Variants in CSMD1 observed in about 807,000 individuals in gnomAD.
The protein encoded by CSMD1 is CUB and Sushi multiple domains 1, also known as CUB and sushi domain-containing protein 1.
CSMD1 carries 213 observed loss-of-function variants against 417.5 expected under a neutral mutation model. The observed-to-expected ratio is 0.51, with a 90% CI of 0.46 to 0.57. The LOEUF (loss-of-function observed/expected upper bound fraction) is 0.57, where lower values mean the gene tolerates loss of function less well. Ranked by LOEUF, CSMD1 falls within the 20% of genes least tolerant of loss-of-function variation. The probability of loss-of-function intolerance (pLI) is 0.00; values close to 1 mark genes in which losing one functional copy is unlikely to be tolerated. For synonymous variants in CSMD1, 2,862 were observed against 1,736.8 expected, an observed-to-expected ratio of 1.65 and a Z score of -16.11; for missense variants, 6,923 against 4,529.7, an observed-to-expected ratio of 1.53 and a Z score of -15.17.
Position 3,314,450 on chromosome 8 carries a change from T to C in CSMD1, c.3632-5947A>G, listed in dbSNP as rs543906307. Among the ~76,000 whole-genome samples, 15 of 152,288 alleles carry C rather than the reference T, an allele frequency of 9.8e-5. No homozygotes were observed. The East Asian group carries it at 1.7e-3, about 18-fold the overall frequency. ...TCTTGAAGCCACTAGTCTGCAATTATTCAGGGCACAAATACTGGTTCTGTA... is the reference window on the plus strand; with the variant it reads ...TCTTGAAGCCACTAGTCTGCAATTACTCAGGGCACAAATACTGGTTCTGTA... On this transcript the variant is annotated intron_variant, in intron 23 of 69. Transcript: ENST00000635120.
intron 1 of CSMD1, among the ~76,000 whole-genome samples, chr8:4,726,157 A>C (rs1347128351): frequency 6.6e-6 from 1 of 152,122 alleles, no homozygotes. Flanking sequence ...CATCCAGATG[A>C]ATACAAAACC....
At chr8:4,629,645 C>G (rs1802388915) in intron 2 of CSMD1, among the ~76,000 whole-genome samples, 2 of 152,090 alleles carry the variant, frequency 1.3e-5, no homozygotes, top group African/African-American at 4.8e-5. Flanking sequence ...CGTGTCCTGC[C>G]TAGAAAGACA....
At chr8:4,091,160 C>G (rs1800699963) in intron 3 of CSMD1, among the ~76,000 whole-genome samples, 1 of 152,074 alleles carries the variant, frequency 6.6e-6, no homozygotes, top group South Asian at 2.1e-4. Flanking sequence ...CTCAAGTGAT[C>G]CACATGGCTC....
chr8:3,416,523 A>T (rs147152747), intron 12 of CSMD1, among the ~76,000 whole-genome samples: 1 of 152,172 alleles, frequency 6.6e-6, no homozygotes, highest in African/African-American at 2.4e-5. Context: ...AGAGCTAAGA[A>T]GGCAGAAAGG....
chr8:4,039,317 C>A (rs906659077), intron 3 of CSMD1, among the ~76,000 whole-genome samples: 5 of 152,140 alleles, frequency 3.3e-5, no homozygotes, highest in East Asian at 1.9e-4. Context: ...CCAACGATAT[C>A]AAATGTGTTT....
At chr8:3,401,878 C>T (rs1239967304) in intron 15 of CSMD1, among the ~76,000 whole-genome samples, 6 of 151,704 alleles carry the variant, frequency 4.0e-5, no homozygotes. Flanking sequence ...CAATCATGTT[C>T]ATACTCACTT....
intron 37 of CSMD1, among the ~76,000 whole-genome samples, chr8:3,166,137 T>C (rs1294613559): frequency 6.6e-6 from 1 of 152,174 alleles, no homozygotes; most frequent in African/African-American, 2.4e-5. Flanking sequence ...CTTGAGTCTA[T>C]ACATGTATAC....
intron 5 of CSMD1, among the ~76,000 whole-genome samples, chr8:3,978,565 C>G (rs926117701): frequency 6.6e-6 from 1 of 152,020 alleles, no homozygotes; most frequent in Non-Finnish European, 1.5e-5. Flanking sequence ...AATATAGATC[C>G]TCATAGGGTC....
At chr8:4,111,052 C>G (rs1801826671) in intron 3 of CSMD1, among the ~76,000 whole-genome samples, 1 of 152,112 alleles carries the variant, frequency 6.6e-6, no homozygotes, top group Admixed American at 6.6e-5. Context: ...CTTAATAAAC[C>G]TTGCACCGCA....
chr8:3,866,138 T>C (rs1805085240), intron 5 of CSMD1, among the ~76,000 whole-genome samples: 1 of 152,222 alleles, frequency 6.6e-6, no homozygotes, highest in Non-Finnish European at 1.5e-5. Flanking sequence ...TTATGAATAC[T>C]CTGAAGATAT....
rs189878168 is a variant in CSMD1 at position 2,999,879 on chromosome 8, T to C, written c.8203+79A>G. On this transcript the variant is annotated intron_variant, in intron 53 of 69. Coordinates refer to ENST00000635120, the MANE Select transcript of CSMD1 (RefSeq NM_033225.6). ...CCTTTTACAGTGAAGATTAAACAGGTGTATATTGTGACCTAATAACAAAAG... is the reference window on the plus strand; with the variant it reads ...CCTTTTACAGTGAAGATTAAACAGGCGTATATTGTGACCTAATAACAAAAG... The C allele has an allele frequency of 3.1e-4, 400 of 1,269,994 alleles. 6 individuals are homozygous for C. Among genetic ancestry groups the C allele is most frequent in the Middle Eastern group, 1.9e-3 (7 of 3,666 alleles). The allele number at this position is 1,269,994 out of a possible 1,614,324, so 78.7% of individuals were successfully genotyped here. A position where few individuals can be genotyped will look rare whatever the true frequency, so the allele number is the denominator to read the frequency against.
chr8:4,217,658 G>GAAA (rs35530505), intron 3 of CSMD1, among the ~76,000 whole-genome samples: 1 of 145,644 alleles, frequency 6.9e-6, no homozygotes, highest in Non-Finnish European at 1.5e-5. Context: ...GACCTCATCA[G>GAAA]AAAAAAAAAA....
intron 6 of CSMD1, among the ~76,000 whole-genome samples, chr8:3,749,129 G>C (rs1390361427): frequency 6.6e-6 from 1 of 152,106 alleles, no homozygotes; most frequent in Non-Finnish European, 1.5e-5. Context: ...TTATCTTGTA[G>C]ACACTGAAAA....
At chr8:4,688,472 C>T (rs1806535079) in intron 1 of CSMD1, among the ~76,000 whole-genome samples, 1 of 152,064 alleles carries the variant, frequency 6.6e-6, no homozygotes, top group Admixed American at 6.5e-5. Context: ...CAGGCGTAAG[C>T]ACTTGTATGG....
At chr8:4,083,180 G>C (rs1047764278) in intron 3 of CSMD1, among the ~76,000 whole-genome samples, 1 of 152,076 alleles carries the variant, frequency 6.6e-6, no homozygotes, top group Non-Finnish European at 1.5e-5. Flanking sequence ...GATCCCTGAG[G>C]AATTGCCACA....
intron 4 of CSMD1, among the ~76,000 whole-genome samples, chr8:4,024,825 G>C (rs1163851660): frequency 6.6e-6 from 1 of 152,130 alleles, no homozygotes; most frequent in Non-Finnish European, 1.5e-5. Flanking sequence ...ATGACTTCAG[G>C]GATCTAAGCT....
intron 6 of CSMD1, among the ~76,000 whole-genome samples, chr8:3,722,357 G>C (rs564499215): frequency 2.0e-5 from 3 of 152,226 alleles, no homozygotes; most frequent in East Asian, 1.9e-4. Context: ...TAAAATCTAA[G>C]ACGAAGTTGA....
In CSMD1 at chr8:4,622,680, T is replaced by C. The variant is rs1471864581; in HGVS notation, c.302+14662A>G. On this transcript the variant is annotated intron_variant, in intron 2 of 69. Transcript: ENST00000635120. ...CTAATAACTGGTACAAAAGACATTGTGGATGATGATGACAGAATTCATTAC... is the reference window on the plus strand; with the variant it reads ...CTAATAACTGGTACAAAAGACATTGCGGATGATGATGACAGAATTCATTAC... 1.3e-5 allele frequency among the ~76,000 whole-genome samples: 2 copies of C among 152,164 alleles called. 1 individual carries two copies.
At chr8:3,196,562 T>C (rs1239263779) in intron 33 of CSMD1, among the ~76,000 whole-genome samples, 1 of 152,162 alleles carries the variant, frequency 6.6e-6, no homozygotes, top group Non-Finnish European at 1.5e-5. Flanking sequence ...AGGAGGGGAA[T>C]AATTAGATTT....
Sources: gnomAD v4.1 joint callset for allele counts (sites outside exome capture counted in the v4.1 genomes callset) on GRCh38, gnomAD v4.1.1 for gene constraint, MANE v1.5 for transcripts, NCBI Gene and HGNC (gene_info 2026-07-23, HGNC 2026-07-21) for gene names.